Variants in POLR2B observed in about 807,000 individuals in gnomAD.
POLR2B encodes RNA polymerase II subunit B, also known as DNA-directed RNA polymerase II subunit RPB2.
POLR2B carries 57 observed loss-of-function variants against 144.6 expected under a neutral mutation model. The observed-to-expected ratio is 0.39, with a 90% CI of 0.32 to 0.49. The LOEUF is 0.49. Among genes scored for constraint, POLR2B ranks in the 20% least tolerant of loss-of-function variants. POLR2B has a pLI of 0.83. For missense variants in POLR2B, 595 were observed against 1,467.4 expected (o/e 0.41, Z 9.71); for synonymous variants, 442 against 469.8 (o/e 0.94, Z 0.77).
intron 23 of POLR2B, among the ~76,000 whole-genome samples, chr4:57,027,126 G>C (rs542426822): frequency 6.6e-6 from 1 of 151,682 alleles, no homozygotes; most frequent in African/African-American, 2.4e-5. Context: ...CTCGTGCCTC[G>C]GCCTCCCAAG....
At chr4:56,989,849 C>T (rs1336014637) in intron 2 of POLR2B, among the ~76,000 whole-genome samples, 3 of 152,174 alleles carry the variant, frequency 2.0e-5, no homozygotes, top group Non-Finnish European at 4.4e-5. Flanking sequence ...TCCTCTTGCA[C>T]GTGTATCTAC....
intron 3 of POLR2B, among the ~76,000 whole-genome samples, chr4:56,993,161 C>T (rs1189382217): frequency 1.3e-5 from 2 of 151,628 alleles, no homozygotes; most frequent in African/African-American, 4.8e-5. Context: ...AAAAATTAGC[C>T]GGGCCTGGTG....
intron 6 of POLR2B, among the ~76,000 whole-genome samples, chr4:56,997,400 G>C (rs190456978): frequency 7.6e-4 from 116 of 152,188 alleles, no homozygotes; most frequent in African/African-American, 2.7e-3. Flanking sequence ...TAGATTATAG[G>C]CATGCTCCAC....
chr4:56,985,244 T>A (rs1000319724), intron 1 of POLR2B: 22 of 843,648 alleles, frequency 2.6e-5, no homozygotes, highest in Admixed American at 1.9e-4. Context: ...TTTATTTTTT[T>A]AAATTTTTGA....
chr4:56,986,299 A>T, intron 1 of POLR2B, 55 bp from the exon 2 acceptor site: 1 of 972,340 alleles, frequency 1.0e-6, no homozygotes, highest in South Asian at 1.3e-5. Context: ...TAGGAGCAAG[A>T]TGTTAACTAA....
chr4:57,016,210 A>G (rs1421480565), intron 14 of POLR2B, among the ~76,000 whole-genome samples: 4 of 152,178 alleles, frequency 2.6e-5, no homozygotes, highest in Admixed American at 1.3e-4. Flanking sequence ...CTTAACTTCT[A>G]TTATGAAGCA....
At chr4:57,007,792 G>T (rs1046896268) in intron 10 of POLR2B, among the ~76,000 whole-genome samples, 1 of 152,118 alleles carries the variant, frequency 6.6e-6, no homozygotes, top group African/African-American at 2.4e-5. Context: ...TTAATTTTTT[G>T]TATTTGCTTT....
intron 8 of POLR2B, 64 bp downstream of exon 8, chr4:57,005,506 A>G: frequency 1.3e-6 from 2 of 1,488,916 alleles, no homozygotes; most frequent in African/African-American, 1.4e-5. Context: ...GGTTTTTCTT[A>G]GAGTCAAAAA....
intron 23 of POLR2B, among the ~76,000 whole-genome samples, chr4:57,025,787 C>A (rs1723697683): frequency 6.6e-6 from 1 of 152,044 alleles, no homozygotes; most frequent in East Asian, 1.9e-4. Flanking sequence ...CCCACAGCTC[C>A]CTGCAGCCTT....
chr4:57,022,847 C>G (rs1333399553), intron 18 of POLR2B, among the ~76,000 whole-genome samples: 1 of 152,170 alleles, frequency 6.6e-6, no homozygotes, highest in Non-Finnish European at 1.5e-5. Flanking sequence ...CTGTTACTCC[C>G]CTTCCATTGG....
At chr4:56,999,588 C>G (rs1349446342) in intron 6 of POLR2B, 29 bp from the exon 7 acceptor site, 1 of 1,505,004 alleles carries the variant, frequency 6.6e-7, no homozygotes, top group East Asian at 2.3e-5. Flanking sequence ...TTTGTATATT[C>G]ATGTTCTAAT....
At chr4:56,994,619 T>C (rs1201926935) in intron 4 of POLR2B, 28 bp from the exon 5 acceptor site, 1 of 1,519,572 alleles carries the variant, frequency 6.6e-7, no homozygotes. Context: ...CCCTATTGCT[T>C]AACTGTGATC....
intron 13 of POLR2B, among the ~76,000 whole-genome samples, chr4:57,014,828 G>A (rs2109699126): frequency 6.6e-6 from 1 of 152,170 alleles, no homozygotes; most frequent in Admixed American, 6.6e-5. Context: ...TATTTGACTT[G>A]ATACATCCCA....
chr4:57,019,551 T>A (rs1723474610), intron 16 of POLR2B, among the ~76,000 whole-genome samples: 2 of 152,076 alleles, frequency 1.3e-5, no homozygotes, highest in Admixed American at 1.3e-4. Context: ...CCACATTTGC[T>A]CTATTATTCT....
At position 56,978,953 on chromosome 4, in the gene POLR2B, C is replaced by A. The variant is rs1452615014; in HGVS notation, c.-33C>A. ...CTGGGCGGTTTTTGTCTTTTGATTT[C>A]AAGAGTTAGGAGCTCGAGAACCGTT... On this transcript the variant is annotated 5_prime_UTR_variant, in exon 1 of 25. Coordinates refer to ENST00000314595, the MANE Select transcript of POLR2B (RefSeq NM_000938.3). 1 of 1,611,718 alleles carries A rather than the reference C, an allele frequency of 6.2e-7. No individual in the cohort carries two copies. The highest frequency in any genetic ancestry group is 8.5e-7 in the Non-Finnish European group (1 of 1,178,272).
chr4:57,025,604 A>C, intron 23 of POLR2B, 67 bp downstream of exon 23: 1 of 1,086,186 alleles, frequency 9.2e-7, no homozygotes, highest in Non-Finnish European at 1.4e-6. Context: ...AACACACCAA[A>C]ATGGAGATAG....
chr4:57,014,277 C>A (rs1364493476), intron 13 of POLR2B, among the ~76,000 whole-genome samples: 5 of 151,974 alleles, frequency 3.3e-5, no homozygotes, highest in Non-Finnish European at 7.4e-5. Flanking sequence ...TCACTGCAAC[C>A]TCTGCCTCCC....
At position 57,015,676 on chromosome 4, in the gene POLR2B, A is replaced by C; in HGVS notation, c.1955+20A>C. ...CTATAGGTAAAAACATGCAGTGAGA[A>C]AAATGTGTGTATTAAAAATTGAGAT... is the stretch of plus-strand genomic sequence containing the variant. On this transcript the variant is annotated intron_variant, in intron 14 of 24. Transcript: ENST00000314595. 8.1e-7 allele frequency: 1 copy of C among 1,235,188 alleles called. No individual in the cohort carries two copies. The allele number at this position is 1,235,188 out of a possible 1,614,324, so 76.5% of individuals were successfully genotyped here.
chr4:57,028,606 T>C (rs955091560), intron 23 of POLR2B, among the ~76,000 whole-genome samples: 6 of 152,248 alleles, frequency 3.9e-5, no homozygotes, highest in African/African-American at 9.6e-5. Flanking sequence ...TGTTTGGTTC[T>C]GCTACCCTGA....
Sources: allele counts gnomAD v4.1 joint callset (sites outside exome capture counted in the v4.1 genomes callset), GRCh38; gene constraint gnomAD v4.1.1; transcripts MANE v1.5; gene names NCBI Gene and HGNC (gene_info 2026-07-23, HGNC 2026-07-21).